The following TENM3 variants were observed in gnomAD, a reference collection of about 807,000 sequenced individuals.
TENM3 encodes the protein teneurin-3.
Under a neutral mutation model 255.1 loss-of-function variants are expected in TENM3, and 63 were observed. That is an observed-to-expected ratio of 0.25 (90% confidence interval 0.20 to 0.30). The LOEUF (loss-of-function observed/expected upper bound fraction) is 0.30, where lower values mean the gene tolerates loss of function less well. TENM3 is among the 10% of genes least tolerant of loss of function. TENM3 has a pLI of 1.00. For missense variants in TENM3, 2,929 were observed against 3,461.1 expected (o/e 0.85, Z 3.86); for synonymous variants, 1,306 against 1,322.3 (o/e 0.99, Z 0.27).
chr4:182,720,219 G>A (rs6552601), intron 13 of TENM3, among the ~76,000 whole-genome samples: 150,988 of 152,324 alleles, frequency 0.99, 74,844 homozygotes, highest in Middle Eastern at 1. Flanking sequence ...AGATTACTCA[G>A]TGAAAATAAG....
At chr4:181,749,263 C>T in the TENM3 span, among the ~76,000 whole-genome samples, 1 of 151,914 alleles carries the variant, frequency 6.6e-6, no homozygotes, top group Non-Finnish European at 1.5e-5. Flanking sequence ...ATAACTCTAA[C>T]ATAAATCTTC....
chr4:182,279,389 T>C (rs186426059), intron 1 of TENM3, among the ~76,000 whole-genome samples: 234 of 152,286 alleles, frequency 1.5e-3, no homozygotes, highest in African/African-American at 5.4e-3. Context: ...GTACTCCTCA[T>C]AGTCTGGAAA....
chr4:182,333,925 T>C (rs1763935354), intron 2 of TENM3, among the ~76,000 whole-genome samples: 1 of 130,246 alleles, frequency 7.7e-6, no homozygotes, highest in Non-Finnish European at 1.7e-5. Context: ...GTTGAGAGTA[T>C]AGGTTCTGAA....
At chr4:182,796,181 A>G (rs1766484610) in intron 26 of TENM3, among the ~76,000 whole-genome samples, 1 of 152,244 alleles carries the variant, frequency 6.6e-6, no homozygotes. Context: ...GGTTTTATTA[A>G]TAGAAAATGG....
At chr4:181,574,152 G>GA in the TENM3 span, among the ~76,000 whole-genome samples, 1 of 152,170 alleles carries the variant, frequency 6.6e-6, no homozygotes, top group African/African-American at 2.4e-5. Context: ...TTCAGTTGAG[G>GA]AAAAATCCTT....
chr4:181,669,364 G>A, the TENM3 span, among the ~76,000 whole-genome samples: 8 of 152,038 alleles, frequency 5.3e-5, no homozygotes, highest in African/African-American at 1.9e-4. Context: ...CACAACTAAG[G>A]ATTTCTTGGG....
the TENM3 span, among the ~76,000 whole-genome samples, chr4:181,775,545 A>G: frequency 6.6e-6 from 1 of 152,182 alleles, no homozygotes; most frequent in African/African-American, 2.4e-5. Context: ...TAATATTGGG[A>G]AATTTAATAA....
chr4:182,609,230 A>G (rs529529575), intron 4 of TENM3, among the ~76,000 whole-genome samples: 1 of 152,340 alleles, frequency 6.6e-6, no homozygotes, highest in South Asian at 2.1e-4. Context: ...AAGTGCTGGT[A>G]TTACAGGCGT....
chr4:182,388,290 A>T (rs905279552), intron 3 of TENM3, among the ~76,000 whole-genome samples: 2 of 152,084 alleles, frequency 1.3e-5, no homozygotes, highest in Admixed American at 1.3e-4. Flanking sequence ...CCTCATCAAG[A>T]CTTCTTCAGC....
At chr4:181,578,461 G>A in the TENM3 span, among the ~76,000 whole-genome samples, 430 of 152,276 alleles carry the variant, frequency 2.8e-3, no homozygotes, top group South Asian at 7.2e-3. Flanking sequence ...CTTCTCTGAC[G>A]TGAGCCCATG....
chr4:181,511,013 G>C, the TENM3 span, among the ~76,000 whole-genome samples: 19 of 152,140 alleles, frequency 1.2e-4, no homozygotes, highest in Non-Finnish European at 1.9e-4. Context: ...ATTTACTTTG[G>C]GGGGAGGGTG....
At chr4:182,109,423 CA>C in the TENM3 span, among the ~76,000 whole-genome samples, 1 of 151,576 alleles carries the variant, frequency 6.6e-6, no homozygotes, top group African/African-American at 2.4e-5. Flanking sequence ...AAAATGTAGA[CA>C]AATCGTTTTG....
chr4:182,472,778 T>C (rs1733260733), intron 3 of TENM3, among the ~76,000 whole-genome samples: 1 of 152,144 alleles, frequency 6.6e-6, no homozygotes, highest in Non-Finnish European at 1.5e-5. Flanking sequence ...TGCAATGGCA[T>C]GATCATAGCT....
the TENM3 span, among the ~76,000 whole-genome samples, chr4:181,854,088 T>C: frequency 1.3e-5 from 2 of 152,220 alleles, no homozygotes; most frequent in South Asian, 2.1e-4. Flanking sequence ...TAGTACAGGA[T>C]GAATGTGACA....
At chr4:182,059,981 A>G in the TENM3 span, among the ~76,000 whole-genome samples, 2 of 150,758 alleles carry the variant, frequency 1.3e-5, no homozygotes, top group African/African-American at 4.9e-5. Context: ...TTAGGCTGAG[A>G]CCTGTAATCC....
the TENM3 span, among the ~76,000 whole-genome samples, chr4:181,783,965 C>A: frequency 6.6e-6 from 1 of 152,162 alleles, no homozygotes; most frequent in Non-Finnish European, 1.5e-5. Flanking sequence ...CCTCCCAAAG[C>A]CACATGACTC....
chr4:181,886,985 G>C, the TENM3 span, among the ~76,000 whole-genome samples: 41 of 152,240 alleles, frequency 2.7e-4, no homozygotes, highest in Non-Finnish European at 1.2e-4. Context: ...AGAGAAAATA[G>C]CTACCTTGAC....
intron 3 of TENM3, among the ~76,000 whole-genome samples, chr4:182,385,153 C>T (rs939177246): frequency 6.6e-6 from 1 of 151,798 alleles, no homozygotes; most frequent in Non-Finnish European, 1.5e-5. Flanking sequence ...GATTAAACTC[C>T]GAATTCATCC....
chr4:181,861,145 A>G, the TENM3 span, among the ~76,000 whole-genome samples: 2 of 152,200 alleles, frequency 1.3e-5, 1 homozygote, highest in Admixed American at 1.3e-4. Flanking sequence ...TTTTACAAGA[A>G]CACTGTAAAC....
Sources: allele counts gnomAD v4.1 joint callset (sites outside exome capture counted in the v4.1 genomes callset), GRCh38; gene constraint gnomAD v4.1.1; transcripts MANE v1.5; gene names NCBI Gene and HGNC (gene_info 2026-07-23, HGNC 2026-07-21).